MICAL2: variants seen among roughly 807,000 people sequenced by gnomAD.
MICAL2 encodes the protein [F-actin]-monooxygenase MICAL2.
Under a neutral mutation model 127.3 loss-of-function variants are expected in MICAL2, and 77 were observed. The observed-to-expected ratio is 0.60, with a 90% CI of 0.50 to 0.73. The LOEUF (loss-of-function observed/expected upper bound fraction) is 0.73. Among genes scored for constraint, MICAL2 ranks in the 30% least tolerant of loss-of-function variants. The pLI is 0.00. For missense variants in MICAL2, 1,351 were observed against 1,434.4 expected, an observed-to-expected ratio of 0.94 and a Z score of 0.94; for synonymous variants, 570 against 551.1, an observed-to-expected ratio of 1.03 and a Z score of -0.48.
intron 32 of MICAL2, among the ~76,000 whole-genome samples, chr11:12,331,040 T>G (rs1864421764): frequency 6.6e-6 from 1 of 152,040 alleles, no homozygotes; most frequent in African/African-American, 2.4e-5. Context: ...ACCTGATTCC[T>G]GGGGGCCCTA....
At chr11:12,204,190 G>T in intron 3 of MICAL2, 60 bp from the exon 4 acceptor site, 2 of 1,513,220 alleles carry the variant, frequency 1.3e-6, no homozygotes, top group Non-Finnish European at 1.8e-6. Context: ...TGCTGACTGG[G>T]GGTTCGTGTC....
chr11:12,300,828 A>G (rs1383695700), intron 29 of MICAL2, among the ~76,000 whole-genome samples: 5 of 152,210 alleles, frequency 3.3e-5, no homozygotes. Context: ...AGATAATAAA[A>G]GGGTGTTGTT....
At chr11:12,183,166 C>CTT (rs11409042) in intron 3 of MICAL2, among the ~76,000 whole-genome samples, 22 of 146,830 alleles carry the variant, frequency 1.5e-4, no homozygotes, top group East Asian at 6.0e-4. Context: ...ATCCTGACTC[C>CTT]TTTTTTTTTT....
chr11:12,325,454 G>C (rs944707045), intron 31 of MICAL2, among the ~76,000 whole-genome samples: 3 of 152,096 alleles, frequency 2.0e-5, no homozygotes, highest in Non-Finnish European at 4.4e-5. Flanking sequence ...GTCTGCTTGG[G>C]CTGCCATAAC....
At chr11:12,302,922 T>A (rs1391645574) in intron 29 of MICAL2, among the ~76,000 whole-genome samples, 1 of 152,326 alleles carries the variant, frequency 6.6e-6, no homozygotes, top group Non-Finnish European at 1.5e-5. Flanking sequence ...GCATAATTTA[T>A]AAAGGAAAGC....
intron 25 of MICAL2, 144 bp downstream of exon 25, chr11:12,258,700 T>C: frequency 1.4e-6 from 1 of 716,530 alleles, no homozygotes; most frequent in South Asian, 1.8e-5. Flanking sequence ...TGCTTCCTGG[T>C]GTGGAGGGTT....
intron 1 of MICAL2, chr11:12,116,884 A>C (rs1850085894): frequency 6.6e-6 from 1 of 152,036 alleles, no homozygotes; most frequent in South Asian, 2.1e-4. Context: ...CACGGGACAA[A>C]CCGCCCATCT....
intron 3 of MICAL2, among the ~76,000 whole-genome samples, chr11:12,183,204 AG>A (rs1857710146): frequency 6.6e-6 from 1 of 151,366 alleles, no homozygotes; most frequent in Non-Finnish European, 1.5e-5. Context: ...GAATCAGAAA[AG>A]TTTTGTGGTC....
chr11:12,262,033 A>G (rs963936516), intron 26 of MICAL2: 1 of 1,053,158 alleles, frequency 9.5e-7, no homozygotes, highest in Non-Finnish European at 1.1e-6. Context: ...GTACAGCCAT[A>G]AGGAGACTGG....
downstream of MICAL2, among the ~76,000 whole-genome samples, chr11:12,296,530 A>G (rs1022277687): frequency 3.4e-5 from 5 of 148,584 alleles, no homozygotes; most frequent in African/African-American, 1.2e-4. Context: ...AAATTTTGTG[A>G]TGTGTGACAT....
chr11:12,229,743 C>T (rs1243019950), intron 15 of MICAL2, among the ~76,000 whole-genome samples: 1 of 152,254 alleles, frequency 6.6e-6, no homozygotes, highest in African/African-American at 2.4e-5. Flanking sequence ...GAGGGCCTCA[C>T]TCCACTTCCC....
chr11:12,249,743 C>A (rs1017095140), intron 22 of MICAL2, among the ~76,000 whole-genome samples: 4 of 152,226 alleles, frequency 2.6e-5, no homozygotes, highest in African/African-American at 9.6e-5. Flanking sequence ...GGCTGTGTGG[C>A]CACAGGTGGC....
chr11:12,338,365 G>A (rs1363016960), intron 32 of MICAL2, among the ~76,000 whole-genome samples: 1 of 152,148 alleles, frequency 6.6e-6, no homozygotes, highest in Admixed American at 6.5e-5. Context: ...CGTGAAATGG[G>A]TTTCCTGAAT....
In MICAL2 at chr11:12,319,804, A is replaced by G. The variant is rs767896446; in HGVS notation, c.5321A>G (p.Gln1774Arg). ...GAATTTGATCCCCAGCTTTCCTTGC[A>G]GTTAAAGGTAACAACACTTGACCAG... The change falls in exon 30 of 35, where the codon CAG becomes CGG. Residue 1774 changes from glutamine to arginine, a missense_variant. Coordinates refer to the MICAL2 transcript ENST00000646065. The G allele has an allele frequency of 1.3e-5, 21 of 1,613,518 alleles. No individual in the cohort carries two copies. In the East Asian group the frequency reaches 4.2e-4, roughly 33 times the overall value.
At chr11:12,215,235 G>C (rs1855988976) in intron 7 of MICAL2, among the ~76,000 whole-genome samples, 1 of 152,118 alleles carries the variant, frequency 6.6e-6, no homozygotes, top group African/African-American at 2.4e-5. Flanking sequence ...GTCACCTTCG[G>C]CCATCGTTTC....
chr11:12,333,359 CAA>C (rs35548022), intron 32 of MICAL2, among the ~76,000 whole-genome samples: 74 of 145,734 alleles, frequency 5.1e-4, no homozygotes, highest in African/African-American at 1.4e-3. Context: ...AAACTTTTAG[CAA>C]AAAAAAAAAG....
chr11:12,246,505 C>T (rs1257980360), intron 21 of MICAL2, among the ~76,000 whole-genome samples: 1 of 152,250 alleles, frequency 6.6e-6, no homozygotes, highest in Non-Finnish European at 1.5e-5. Flanking sequence ...TTCAGTCCTC[C>T]TGGGTCAGAA....
chr11:12,309,829 G>A (rs1864151172), intron 29 of MICAL2, among the ~76,000 whole-genome samples: 1 of 151,956 alleles, frequency 6.6e-6, no homozygotes, highest in South Asian at 2.1e-4. Flanking sequence ...CCACATCCTT[G>A]CCAGCATTTT....
intron 26 of MICAL2, chr11:12,261,972 A>G: frequency 1.0e-6 from 1 of 992,718 alleles, no homozygotes; most frequent in Non-Finnish European, 1.2e-6. Context: ...ATAGGCTGAG[A>G]TGCTTTGTGG....
Sources: allele counts gnomAD v4.1 joint callset (sites outside exome capture counted in the v4.1 genomes callset), GRCh38; gene constraint gnomAD v4.1.1; transcripts MANE v1.5; gene names NCBI Gene and HGNC (gene_info 2026-07-23, HGNC 2026-07-21).